The following FRAS1 variants were observed in gnomAD, a reference collection of about 807,000 sequenced individuals.
FRAS1 encodes the protein extracellular matrix organizing protein FRAS1.
In FRAS1, 290 loss-of-function variants were observed where a neutral mutation model predicts 435.2. That is an observed-to-expected ratio of 0.67 (90% CI 0.61 to 0.73). The LOEUF (loss-of-function observed/expected upper bound fraction) is 0.73. Ranked by LOEUF, FRAS1 falls within the 30% of genes least tolerant of loss-of-function variation. FRAS1 has a pLI of 0.00. For missense variants in FRAS1, 4,860 were observed against 5,001.5 expected (o/e 0.97, Z 0.85); for synonymous variants, 1,800 against 1,851.0 (o/e 0.97, Z 0.71).
At chr4:78,336,407 T>A (rs1730172233) in intron 19 of FRAS1, among the ~76,000 whole-genome samples, 1 of 152,182 alleles carries the variant, frequency 6.6e-6, no homozygotes, top group Non-Finnish European at 1.5e-5. Context: ...TAGATCTAGC[T>A]CTTCTCTGTC....
At chr4:78,449,885 G>A (rs1205782711) in intron 44 of FRAS1, among the ~76,000 whole-genome samples, 1 of 152,140 alleles carries the variant, frequency 6.6e-6, no homozygotes, top group Non-Finnish European at 1.5e-5. Context: ...TCACTGAGTC[G>A]GAGGAGCATA....
chr4:78,447,003 T>A, intron 43 of FRAS1, 123 bp downstream of exon 43: 1 of 962,948 alleles, frequency 1.0e-6, no homozygotes, highest in Non-Finnish European at 1.5e-6. Context: ...TGCATCAAAG[T>A]GTAATCAAAT....
intron 32 of FRAS1, among the ~76,000 whole-genome samples, chr4:78,417,089 G>C (rs536985339): frequency 6.6e-6 from 1 of 152,236 alleles, no homozygotes; most frequent in African/African-American, 2.4e-5. Context: ...ATTCTAAGTA[G>C]CTAATATTAA....
chr4:78,468,020 G>A (rs1270446623), intron 50 of FRAS1, among the ~76,000 whole-genome samples: 1 of 152,086 alleles, frequency 6.6e-6, no homozygotes, highest in East Asian at 1.9e-4. Context: ...CCATTCCTTG[G>A]GTGGTCCCTT....
chr4:78,499,512 A>T (rs371161505), intron 60 of FRAS1, among the ~76,000 whole-genome samples: 8 of 152,134 alleles, frequency 5.3e-5, no homozygotes, highest in Non-Finnish European at 1.0e-4. Context: ...GTGAGACACA[A>T]CTCCTGCAGA....
At chr4:78,175,787 C>T (rs1721745352) in intron 2 of FRAS1, among the ~76,000 whole-genome samples, 1 of 152,154 alleles carries the variant, frequency 6.6e-6, no homozygotes, top group Admixed American at 6.5e-5. Flanking sequence ...ACCCTTTCCA[C>T]CCTCCCTCTG....
rs187820650 is a variant in FRAS1 at position 78,467,782 on chromosome 4, G to A, written c.7257+1347G>A. Among the ~76,000 whole-genome samples, 6 of 152,252 alleles carry A rather than the reference G, an allele frequency of 3.9e-5. No individual in the cohort carries two copies. In the East Asian group the frequency reaches 1.2e-3, roughly 29 times the overall value. The stretch of plus-strand genomic sequence containing the variant: ...AAAGCCATTTTAACTGGGGTGAGTT[G>A]ACATCTCATTGTAGTTTTGATTTGC... On this transcript the variant is annotated intron_variant, in intron 50 of 73. Coordinates refer to ENST00000512123, the MANE Select transcript of FRAS1 (RefSeq NM_025074.7).
intron 63 of FRAS1, among the ~76,000 whole-genome samples, chr4:78,510,870 C>T (rs1028782836): frequency 2.6e-5 from 4 of 152,166 alleles, no homozygotes; most frequent in African/African-American, 4.8e-5. Flanking sequence ...GGGAAGGAAG[C>T]ATATTTCCTC....
intron 29 of FRAS1, among the ~76,000 whole-genome samples, chr4:78,392,714 G>T (rs532186389): frequency 7.3e-6 from 1 of 137,598 alleles, no homozygotes; most frequent in African/African-American, 3.0e-5. Context: ...TCCTCTGGAG[G>T]ATCTATAAAA....
At chr4:78,491,351 C>T (rs116169472) in intron 59 of FRAS1, among the ~76,000 whole-genome samples, 1,959 of 152,152 alleles carry the variant, frequency 0.013, 20 homozygotes, top group Admixed American at 0.022. Context: ...AGAAATGCAA[C>T]AAAAAAAAAT....
chr4:78,479,473 C>T lies in FRAS1; in HGVS notation c.8198C>T (p.Ser2733Phe). The change falls in exon 56 of 74, where the codon TCT (serine) becomes TTT (phenylalanine). Residue 2733 changes from serine to phenylalanine, a missense_variant. Coordinates refer to ENST00000512123, the MANE Select transcript of FRAS1 (RefSeq NM_025074.7). ...CTAGAATCAGGCTCTGATTTTAAAT[C>T]TAGAGGGATGTCTGCCGCGAGTCGT... ...YALESGSDFK[S>F]RGMSAASRVI... 1 of 1,610,420 alleles carries T rather than the reference C, an allele frequency of 6.2e-7. No individual in the cohort carries two copies.
At chr4:78,291,568 A>G (rs1422983083) in intron 14 of FRAS1, among the ~76,000 whole-genome samples, 3 of 152,284 alleles carry the variant, frequency 2.0e-5, no homozygotes, top group East Asian at 1.9e-4. Context: ...AGCCCTTCAT[A>G]TAAGTTTAGA....
chr4:78,092,748 G>A lies in FRAS1; in HGVS notation c.108+26732G>A, dbSNP rs140047900. ...GCTTCAATGACCTCACAGGACAAATGCTCCATAAAGAGCCTTTTTCTGTGA... is the reference window on the plus strand; with the variant it reads ...GCTTCAATGACCTCACAGGACAAATACTCCATAAAGAGCCTTTTTCTGTGA... On this transcript the variant is annotated intron_variant, in intron 2 of 73. Transcript: ENST00000512123. 2.6e-5 allele frequency among the ~76,000 whole-genome samples: 4 copies of A among 152,294 alleles called. No homozygotes were observed. In the East Asian group the frequency reaches 7.7e-4, roughly 29 times the overall value.
intron 2 of FRAS1, among the ~76,000 whole-genome samples, chr4:78,190,767 A>G (rs933286422): frequency 6.6e-6 from 1 of 152,144 alleles, no homozygotes; most frequent in Non-Finnish European, 1.5e-5. Context: ...TTGTGTAGCA[A>G]TGTACTAGGC....
intron 35 of FRAS1, among the ~76,000 whole-genome samples, chr4:78,425,888 C>A (rs1412853437): frequency 6.6e-6 from 1 of 152,084 alleles, no homozygotes; most frequent in East Asian, 1.9e-4. Flanking sequence ...GTACTCCCAG[C>A]ACTTTGGGAG....
Position 78,077,131 on chromosome 4 carries a change from G to A in FRAS1, c.108+11115G>A, listed in dbSNP as rs117929364. Among the ~76,000 whole-genome samples the A allele has an allele frequency of 1.8e-4, 27 of 152,208 alleles. No homozygotes were observed. The East Asian group carries it at 4.3e-3, about 24-fold the overall frequency. ...TTTTGGAAGGATGAGGCAGGAGGAC[G>A]CTTAAGCCCAGATGTTCAAGACCAA... is the stretch of plus-strand genomic sequence containing the variant. On this transcript the variant is annotated intron_variant, in intron 2 of 73. Transcript: ENST00000512123.
intron 2 of FRAS1, among the ~76,000 whole-genome samples, chr4:78,097,266 C>A (rs1237761880): frequency 6.6e-6 from 1 of 152,184 alleles, no homozygotes; most frequent in Non-Finnish European, 1.5e-5. Context: ...TGGTCAAAAC[C>A]ATTTGACAAG....
chr4:78,102,436 A>G lies in FRAS1; in HGVS notation c.108+36420A>G, dbSNP rs188157549. Among the ~76,000 whole-genome samples the G allele has an allele frequency of 5.9e-5, 9 of 152,300 alleles. No homozygotes were observed. In the East Asian group the frequency reaches 1.5e-3, roughly 26 times the overall value. Reference sequence around the variant, plus strand: ...TTAAATGAATGAACTCTAAGTACCCATATGCTAATTGGATTTATTCTTTAC... The same window carrying G: ...TTAAATGAATGAACTCTAAGTACCCGTATGCTAATTGGATTTATTCTTTAC... On this transcript the variant is annotated intron_variant, in intron 2 of 73. Coordinates refer to ENST00000512123, the MANE Select transcript of FRAS1 (RefSeq NM_025074.7).
Position 78,478,058 on chromosome 4 carries a change from A to G in FRAS1, c.8095A>G (p.Lys2699Glu), listed in dbSNP as rs776095742. 3 of 1,559,762 alleles carry G rather than the reference A, an allele frequency of 1.9e-6. No homozygotes were observed. The highest frequency in any genetic ancestry group is 1.4e-5 in the African/African-American group (1 of 73,670). Reference protein sequence around the residue: ...AGFLFAPIERKGDASSIVSAI... With the variant: ...AGFLFAPIEREGDASSIVSAI... ...TTTTCTGTTTGCACCTATTGAAAGA[A>G]AAGGTCTGTTGGTTCCACAGGTGAC... Residue 2699 changes from lysine to glutamate, a missense_variant, in exon 55 of 74, where the codon AAA becomes GAA. Transcript: ENST00000512123.
Sources: allele counts gnomAD v4.1 joint callset (sites outside exome capture counted in the v4.1 genomes callset), GRCh38; gene constraint gnomAD v4.1.1; transcripts MANE v1.5; gene names NCBI Gene and HGNC (gene_info 2026-07-23, HGNC 2026-07-21).